Variants in FHOD3 observed in about 807,000 individuals in gnomAD.
FHOD3 encodes the protein formin homology 2 domain containing 3.
Under a neutral mutation model 173.0 loss-of-function variants are expected in FHOD3, and 90 were observed. The observed-to-expected ratio is 0.52, with a 90% confidence interval of 0.44 to 0.62. FHOD3 has a LOEUF of 0.62. FHOD3 is among the 20% of genes least tolerant of loss of function. The pLI is 0.00. For synonymous variants in FHOD3, 828 were observed against 823.0 expected (o/e 1.01, Z -0.10); for missense variants, 1,945 against 2,034.7 (o/e 0.96, Z 0.85).
intron 6 of FHOD3, among the ~76,000 whole-genome samples, chr18:36,584,608 T>G (rs2148161688): frequency 6.6e-6 from 1 of 152,326 alleles, no homozygotes; most frequent in African/African-American, 2.4e-5. Context: ...AGAAATTCAA[T>G]TAAGACTAAT....
intron 3 of FHOD3, among the ~76,000 whole-genome samples, chr18:36,444,798 A>C (rs1291498093): frequency 6.6e-6 from 1 of 152,168 alleles, no homozygotes; most frequent in Admixed American, 6.5e-5. Context: ...CATCTGCATC[A>C]TATTCCATCA....
chr18:36,642,532 G>A (rs770006056), intron 10 of FHOD3, among the ~76,000 whole-genome samples: 1 of 139,398 alleles, frequency 7.2e-6, no homozygotes, highest in Non-Finnish European at 1.5e-5. Flanking sequence ...ACGGTGAGCC[G>A]AGAGAGCGCC....
rs75429492 is a variant in FHOD3 at position 36,440,688 on chromosome 18, C to A, written c.338-61244C>A. 8.1e-3 allele frequency among the ~76,000 whole-genome samples: 1,237 copies of A among 152,312 alleles called. 18 individuals are homozygous for A. The highest frequency in any genetic ancestry group is 0.028 in the African/African-American group (1,162 of 41,564). ...AAATTTTTCTTAATGAACCTAAGCA[C>A]CTTTATGGTAGAAAAAACCCAATAC... On this transcript the variant is annotated intron_variant, in intron 3 of 28. Coordinates refer to ENST00000590592, the MANE Select transcript of FHOD3 (RefSeq NM_001281740.3).
chr18:36,510,110 G>GT (rs1568364939), intron 4 of FHOD3, among the ~76,000 whole-genome samples: 2 of 152,118 alleles, frequency 1.3e-5, no homozygotes, highest in African/African-American at 4.8e-5. Context: ...AAACTAAATT[G>GT]TAAGTGTCTG....
intron 5 of FHOD3, among the ~76,000 whole-genome samples, chr18:36,530,510 G>T (rs1193467401): frequency 6.6e-6 from 1 of 152,218 alleles, no homozygotes; most frequent in Non-Finnish European, 1.5e-5. Flanking sequence ...TGAGTGTAAT[G>T]ATGTGAGATC....
chr18:36,594,912 GC>G lies in FHOD3; in HGVS notation c.718+19del. The G allele has an allele frequency of 1.3e-6, 2 of 1,554,312 alleles. No homozygotes were observed. The highest frequency in any genetic ancestry group is 1.8e-6 in the Non-Finnish European group (2 of 1,128,248). On this transcript the variant is annotated intron_variant, in intron 7 of 28. Coordinates refer to ENST00000590592, the MANE Select transcript of FHOD3 (RefSeq NM_001281740.3). ...ACACGAAAAGAGGTGAGTAGTCCCTGCCCCCTTATGTCATGAAGGTGAAGGT... is the reference window on the plus strand; with the variant it reads ...ACACGAAAAGAGGTGAGTAGTCCCTGCCCCTTATGTCATGAAGGTGAAGGT...
chr18:36,566,633 T>C (rs1039059741), intron 5 of FHOD3, among the ~76,000 whole-genome samples: 1 of 152,126 alleles, frequency 6.6e-6, no homozygotes, highest in African/African-American at 2.4e-5. Flanking sequence ...AGAACATCTA[T>C]TATGGATTTG....
At chr18:36,532,010 G>T (rs2056802539) in intron 5 of FHOD3, among the ~76,000 whole-genome samples, 1 of 152,028 alleles carries the variant, frequency 6.6e-6, no homozygotes, top group Non-Finnish European at 1.5e-5. Context: ...CTGCTCTCCT[G>T]CCTGCCCTCA....
At chr18:36,603,740 G>T (rs537654422) in intron 8 of FHOD3, among the ~76,000 whole-genome samples, 42 of 152,284 alleles carry the variant, frequency 2.8e-4, no homozygotes, top group Admixed American at 2.6e-4. Flanking sequence ...TTGCCCGCAT[G>T]TGGTCCACCC....
intron 19 of FHOD3, among the ~76,000 whole-genome samples, chr18:36,730,246 C>T (rs895058326): frequency 1.3e-5 from 2 of 152,194 alleles, no homozygotes; most frequent in African/African-American, 4.8e-5. Context: ...CCAGCTCTCT[C>T]TGGGCACGCA....
At chr18:36,382,024 C>T (rs956830330) in intron 3 of FHOD3, among the ~76,000 whole-genome samples, 10 of 152,156 alleles carry the variant, frequency 6.6e-5, no homozygotes, top group African/African-American at 2.4e-4. Context: ...GTGCACATGC[C>T]GGGCAGGGCT....
chr18:36,388,789 G>A (rs2048153626), intron 3 of FHOD3, among the ~76,000 whole-genome samples: 1 of 152,222 alleles, frequency 6.6e-6, no homozygotes, highest in African/African-American at 2.4e-5. Context: ...ATGAAGATGG[G>A]AGAATAAGGG....
At chr18:36,707,254 G>A (rs556361502) in intron 17 of FHOD3, among the ~76,000 whole-genome samples, 1 of 152,178 alleles carries the variant, frequency 6.6e-6, no homozygotes, top group African/African-American at 2.4e-5. Context: ...ATGCCCAGGA[G>A]GGACAGCCCC....
intron 13 of FHOD3, among the ~76,000 whole-genome samples, chr18:36,655,480 G>C (rs1023192568): frequency 2.6e-5 from 4 of 152,060 alleles, no homozygotes; most frequent in African/African-American, 9.7e-5. Context: ...ATACACGTAA[G>C]TTGTGGGGGA....
chr18:36,563,019 C>A (rs1018127749), intron 5 of FHOD3, among the ~76,000 whole-genome samples: 1 of 152,160 alleles, frequency 6.6e-6, no homozygotes, highest in African/African-American at 2.4e-5. Context: ...GTTTATGTGG[C>A]CTTTGCATGG....
intron 18 of FHOD3, among the ~76,000 whole-genome samples, chr18:36,712,788 A>G (rs967998698): frequency 5.9e-5 from 9 of 152,080 alleles, no homozygotes; most frequent in African/African-American, 2.2e-4. Flanking sequence ...AAACAAGACA[A>G]ATTTAAAGAC....
At chr18:36,508,556 G>T (rs1196942112) in intron 4 of FHOD3, among the ~76,000 whole-genome samples, 2 of 150,940 alleles carry the variant, frequency 1.3e-5, no homozygotes, top group Non-Finnish European at 2.9e-5. Flanking sequence ...GTGAGCATCA[G>T]TAAGGGTGAT....
intron 27 of FHOD3, among the ~76,000 whole-genome samples, chr18:36,764,166 A>G (rs2043042607): frequency 1.3e-5 from 2 of 152,160 alleles, no homozygotes; most frequent in Admixed American, 1.3e-4. Context: ...CATTCCAGGA[A>G]GTGATTGGAG....
rs551829016 is a variant in FHOD3, at chr18:36,667,849, A to T, written c.1835+9661A>T. ...GGCTATAACATCACTAGGTGATAGT[A>T]CATTTTCAGCTTCATTGTAATCTAT... On this transcript the variant is annotated intron_variant, in intron 14 of 28. Coordinates refer to ENST00000590592, the MANE Select transcript of FHOD3 (RefSeq NM_001281740.3). 2.0e-5 allele frequency among the ~76,000 whole-genome samples: 3 copies of T among 152,328 alleles called. No individual in the cohort carries two copies. In the South Asian group the frequency reaches 6.2e-4, roughly 32 times the overall value.
Sources: gnomAD v4.1 joint callset for allele counts (sites outside exome capture counted in the v4.1 genomes callset) on GRCh38, gnomAD v4.1.1 for gene constraint, MANE v1.5 for transcripts, NCBI Gene and HGNC (gene_info 2026-07-23, HGNC 2026-07-21) for gene names.